Variants in CES5A observed in about 807,000 individuals in gnomAD.
The protein encoded by CES5A is carboxylesterase 5.
Under a neutral mutation model 62.9 loss-of-function variants are expected in CES5A, and 67 were observed. The ratio of observed to expected loss-of-function variants is 1.07; its 90% CI spans 0.88 to 1.31. CES5A has a LOEUF of 1.31. CES5A is among the 50% of genes most tolerant of loss of function. The probability of loss-of-function intolerance (pLI) is 0.00; values close to 1 mark genes in which losing one functional copy is unlikely to be tolerated. For missense variants in CES5A, 748 were observed against 708.5 expected, an observed-to-expected ratio of 1.06 and a Z score of -0.63; for synonymous variants, 296 against 280.8, an observed-to-expected ratio of 1.05 and a Z score of -0.54.
At chr16:55,903,402 C>G (rs2034010025) in intron 1 of CES5A, among the ~76,000 whole-genome samples, 1 of 152,170 alleles carries the variant, frequency 6.6e-6, no homozygotes, top group Admixed American at 6.5e-5. Context: ...GAATTGAGTA[C>G]AGAATATTGT....
Position 55,873,858 on chromosome 16 carries a change from G to T in CES5A, c.253C>A (p.Arg85=), listed in dbSNP as rs150887724. The T allele has an allele frequency of 6.2e-7, 1 of 1,613,074 alleles. No homozygotes were observed. The highest frequency in any genetic ancestry group is 8.5e-7 in the Non-Finnish European group (1 of 1,179,664). ...PQPASPWDNL[R]EATSYPNLCL... ...AAATTAGGGTAGGAGGTGGCTTCTCGCAAGTTATCCCAGGGCGATGCAGGC... is the reference window on the plus strand; with the variant it reads ...AAATTAGGGTAGGAGGTGGCTTCTCTCAAGTTATCCCAGGGCGATGCAGGC... The change falls in exon 2 of 13, where the codon CGA becomes AGA. Residue 85 remains arginine (R), a synonymous_variant. Coordinates refer to ENST00000290567, the MANE Select transcript of CES5A (RefSeq NM_001143685.2).
intron 1 of CES5A, among the ~76,000 whole-genome samples, chr16:55,906,451 A>G (rs2034040719): frequency 6.6e-6 from 1 of 152,352 alleles, no homozygotes; most frequent in East Asian, 1.9e-4. Flanking sequence ...GTCTCCATTC[A>G]GTGAATACTT....
intron 2 of CES5A, 96 bp downstream of exon 2, chr16:55,873,737 C>T: frequency 1.8e-6 from 2 of 1,130,362 alleles, no homozygotes; most frequent in South Asian, 3.0e-5. Flanking sequence ...CTCCCCCATC[C>T]ATGCCAATCC....
At chr16:55,934,502 G>A (rs2034347520) in intron 2 of CES5A, among the ~76,000 whole-genome samples, 1 of 152,118 alleles carries the variant, frequency 6.6e-6, no homozygotes, top group Non-Finnish European at 1.5e-5. Flanking sequence ...ATGGGGATAG[G>A]GATTAAATGA....
chr16:55,850,008 C>CCT (rs1317822053), intron 10 of CES5A, among the ~76,000 whole-genome samples: 1 of 152,206 alleles, frequency 6.6e-6, no homozygotes, highest in African/African-American at 2.4e-5. Flanking sequence ...CAAAAGAAGT[C>CCT]CTCTATATTC....
At chr16:55,902,482 C>A (rs2142442942) in intron 1 of CES5A, among the ~76,000 whole-genome samples, 1 of 152,304 alleles carries the variant, frequency 6.6e-6, no homozygotes, top group African/African-American at 2.4e-5. Flanking sequence ...TCCTAACCAT[C>A]AGGACTGACA....
chr16:55,905,694 C>T (rs1035947021), intron 1 of CES5A, among the ~76,000 whole-genome samples: 11 of 152,090 alleles, frequency 7.2e-5, no homozygotes, highest in African/African-American at 1.9e-4. Context: ...CTTCCTCCCA[C>T]GCCCAGAGCA....
intron 1 of CES5A, among the ~76,000 whole-genome samples, chr16:55,896,617 T>A (rs1012888721): frequency 1.3e-5 from 2 of 152,218 alleles, no homozygotes; most frequent in African/African-American, 4.8e-5. Flanking sequence ...AGTGTTAGGG[T>A]GGGGTAAGGC....
intron 1 of CES5A, among the ~76,000 whole-genome samples, chr16:55,903,387 C>G (rs1179266669): frequency 2.0e-5 from 3 of 152,216 alleles, no homozygotes; most frequent in Admixed American, 1.3e-4. Flanking sequence ...AAAAAAGAAA[C>G]AAAGGAATTG....
chr16:55,932,337 AT>A (rs2034322602), intron 2 of CES5A, among the ~76,000 whole-genome samples: 1 of 152,168 alleles, frequency 6.6e-6, no homozygotes, highest in African/African-American at 2.4e-5. Flanking sequence ...TTCTTTATAA[AT>A]TGCCCAGTCT....
chr16:55,905,143 T>G (rs770049038), intron 1 of CES5A, among the ~76,000 whole-genome samples: 1 of 152,088 alleles, frequency 6.6e-6, no homozygotes, highest in African/African-American at 2.4e-5. Context: ...GGGCAAGAAG[T>G]TCTTCTCCCC....
intron 1 of CES5A, among the ~76,000 whole-genome samples, chr16:55,899,955 A>C (rs577628345): frequency 3.9e-5 from 6 of 152,364 alleles, no homozygotes; most frequent in African/African-American, 1.2e-4. Flanking sequence ...AGGGTTCTGA[A>C]GAATTTTTAA....
intron 1 of CES5A, among the ~76,000 whole-genome samples, chr16:55,912,231 C>A (rs1184854034): frequency 6.6e-6 from 1 of 152,246 alleles, no homozygotes; most frequent in Non-Finnish European, 1.5e-5. Context: ...AGTTGCCTAG[C>A]AACTGCCTTT....
chr16:55,905,190 C>G (rs549399968), intron 1 of CES5A, among the ~76,000 whole-genome samples: 1 of 152,250 alleles, frequency 6.6e-6, no homozygotes, highest in East Asian at 1.9e-4. Flanking sequence ...CCCTCCCCAT[C>G]CATTATGTTT....
At chr16:55,886,939 C>G (rs2033822373) in intron 1 of CES5A, among the ~76,000 whole-genome samples, 1 of 151,988 alleles carries the variant, frequency 6.6e-6, no homozygotes, top group Non-Finnish European at 1.5e-5. Flanking sequence ...ACAAATGGCC[C>G]CAGGACCCAC....
At chr16:55,846,879 A>T in intron 11 of CES5A, 39 bp from the exon 12 acceptor site, 1 of 1,568,840 alleles carries the variant, frequency 6.4e-7, no homozygotes, top group African/African-American at 1.4e-5. Flanking sequence ...GCTCTGGGTG[A>T]GGCTCGGGAA....
intron 1 of CES5A, among the ~76,000 whole-genome samples, chr16:55,955,568 A>G (rs996953981): frequency 2.6e-5 from 4 of 152,202 alleles, no homozygotes; most frequent in Non-Finnish European, 5.9e-5. Flanking sequence ...AAATCGCCAC[A>G]TGCCGCATGG....
intron 1 of CES5A, among the ~76,000 whole-genome samples, chr16:55,874,736 G>A (rs1033089346): frequency 3.3e-5 from 5 of 152,150 alleles, no homozygotes; most frequent in African/African-American, 1.2e-4. Context: ...CACACAGAAC[G>A]TGGAGCCTTG....
chr16:55,938,145 AT>A (rs1362340901), intron 2 of CES5A, among the ~76,000 whole-genome samples: 2 of 152,194 alleles, frequency 1.3e-5, no homozygotes, highest in African/African-American at 4.8e-5. Context: ...GGGATGAACC[AT>A]CTTTTCCCTT....
Sources: allele counts gnomAD v4.1 joint callset (sites outside exome capture counted in the v4.1 genomes callset), GRCh38; gene constraint gnomAD v4.1.1; transcripts MANE v1.5; gene names NCBI Gene and HGNC (gene_info 2026-07-23, HGNC 2026-07-21).